DOCK3: variants seen among roughly 807,000 people sequenced by gnomAD.
DOCK3 encodes the protein dedicator of cytokinesis 3.
A neutral mutation model predicts 265.6 loss-of-function variants in DOCK3; 60 were observed. The observed-to-expected ratio is 0.23, with a 90% CI of 0.18 to 0.28. The LOEUF is 0.28. Among genes scored for constraint, DOCK3 ranks in the 10% least tolerant of loss-of-function variants. The pLI is 1.00. For missense variants in DOCK3, 1,981 were observed against 2,594.3 expected, an observed-to-expected ratio of 0.76 and a Z score of 5.14; for synonymous variants, 881 against 938.0, an observed-to-expected ratio of 0.94 and a Z score of 1.11.
chr3:50,697,629 A>AT (rs2035719634), intron 1 of DOCK3, among the ~76,000 whole-genome samples: 1 of 152,044 alleles, frequency 6.6e-6, no homozygotes, highest in Admixed American at 6.5e-5. Flanking sequence ...AACCCCAAAA[A>AT]TGAGCCGGGC....
intron 9 of DOCK3, among the ~76,000 whole-genome samples, chr3:51,112,604 T>G (rs879674935): frequency 2.6e-5 from 4 of 152,152 alleles, no homozygotes; most frequent in Non-Finnish European, 5.9e-5. Flanking sequence ...GCAACCTGGA[T>G]AGTGGAAGTG....
rs184605188 is a variant in DOCK3, at chr3:51,361,028, G to A, written c.5006+396G>A. 5.9e-5 allele frequency among the ~76,000 whole-genome samples: 9 copies of A among 152,316 alleles called. No individual in the cohort carries two copies. In the South Asian group the frequency reaches 1.0e-3, roughly 18 times the overall value. On this transcript the variant is annotated intron_variant, in intron 47 of 52. Transcript: ENST00000266037. The surrounding 1 kb of genome is among the most constrained non-coding windows in gnomAD (Gnocchi z 4.2). Reference sequence around the variant, plus strand: ...GCTGGAGTGCCGGATTCCAGGGCACGGAAAGGGGATAGGATCAGCTCTGAG... The same window carrying A: ...GCTGGAGTGCCGGATTCCAGGGCACAGAAAGGGGATAGGATCAGCTCTGAG...
chr3:51,090,690 A>T (rs546778620), intron 9 of DOCK3, among the ~76,000 whole-genome samples: 1 of 152,298 alleles, frequency 6.6e-6, no homozygotes, highest in South Asian at 2.1e-4. Context: ...CATAGGAGAA[A>T]CATAGAACCA....
intron 5 of DOCK3, among the ~76,000 whole-genome samples, chr3:50,964,153 T>C (rs867944423): frequency 6.6e-6 from 1 of 152,176 alleles, no homozygotes; most frequent in Non-Finnish European, 1.5e-5. Flanking sequence ...CATCAGTAGA[T>C]TGAGCACTGT....
At chr3:51,156,096 A>G (rs2085838401) in intron 10 of DOCK3, among the ~76,000 whole-genome samples, 1 of 152,222 alleles carries the variant, frequency 6.6e-6, no homozygotes, top group Non-Finnish European at 1.5e-5. Flanking sequence ...TTATTACTAT[A>G]ATAACATTAT....
intron 5 of DOCK3, among the ~76,000 whole-genome samples, chr3:50,990,636 A>G (rs1306390976): frequency 1.3e-5 from 2 of 152,236 alleles, no homozygotes; most frequent in Non-Finnish European, 2.9e-5. Context: ...ATTAACTCAC[A>G]TGATCACAAG....
chr3:51,336,031 T>C lies in DOCK3; in HGVS notation c.3612-2328T>C, dbSNP rs1051629172. 4.0e-5 allele frequency among the ~76,000 whole-genome samples: 6 copies of C among 150,318 alleles called. No individual in the cohort carries two copies. The South Asian group carries it at 8.4e-4, about 21-fold the overall frequency. On this transcript the variant is annotated intron_variant, in intron 35 of 52. Transcript: ENST00000266037. ...AGAAAAGAAAAGAAAAAGAAAATAG[T>C]TGTTGATATGACTCAAGGGAAGGAC... is the stretch of plus-strand genomic sequence containing the variant.
At chr3:51,236,845 A>G (rs917448023) in intron 20 of DOCK3, among the ~76,000 whole-genome samples, 4 of 152,192 alleles carry the variant, frequency 2.6e-5, no homozygotes, top group South Asian at 2.1e-4. Flanking sequence ...TCCAGAATCT[A>G]TGCAGTTGTT....
intron 6 of DOCK3, among the ~76,000 whole-genome samples, chr3:51,070,975 G>T (rs2081839527): frequency 1.3e-5 from 2 of 152,120 alleles, no homozygotes; most frequent in South Asian, 4.1e-4. Flanking sequence ...CCCGATCCGT[G>T]GAAAAATTGT....
intron 4 of DOCK3, among the ~76,000 whole-genome samples, chr3:50,923,980 C>G (rs1215330900): frequency 6.6e-6 from 1 of 152,170 alleles, no homozygotes; most frequent in East Asian, 1.9e-4. Context: ...TCATGCCAAC[C>G]AATGCCAAAA....
chr3:50,952,853 C>T (rs911794163), intron 5 of DOCK3, among the ~76,000 whole-genome samples: 7 of 152,074 alleles, frequency 4.6e-5, no homozygotes, highest in Non-Finnish European at 1.5e-5. Flanking sequence ...GAGACAAGAG[C>T]CAGTATGTTG....
intron 5 of DOCK3, among the ~76,000 whole-genome samples, chr3:50,976,524 C>T: frequency 9.0e-6 from 1 of 111,384 alleles, no homozygotes; most frequent in South Asian, 3.6e-4. Context: ...GTTATAATTT[C>T]TGTTCTTTTA....
chr3:51,200,212 A>G (rs1359531828), intron 12 of DOCK3, among the ~76,000 whole-genome samples: 1 of 152,062 alleles, frequency 6.6e-6, no homozygotes, highest in Admixed American at 6.6e-5. Flanking sequence ...TGAGAGAAGA[A>G]GGCTTCAGAC....
intron 5 of DOCK3, among the ~76,000 whole-genome samples, chr3:51,053,119 A>ATATATG (rs1365143056): frequency 4.1e-5 from 5 of 122,202 alleles, no homozygotes; most frequent in African/African-American, 1.5e-4. Flanking sequence ...ATATATATAT[A>ATATATG]TATGGATTTT....
intron 4 of DOCK3, among the ~76,000 whole-genome samples, chr3:50,899,591 G>A (rs1301930800): frequency 6.6e-6 from 1 of 152,114 alleles, no homozygotes; most frequent in African/African-American, 2.4e-5. Flanking sequence ...TTACAATTTG[G>A]TATGTTCTTG....
At chr3:51,107,376 G>C (rs1486333569) in intron 9 of DOCK3, among the ~76,000 whole-genome samples, 2 of 152,188 alleles carry the variant, frequency 1.3e-5, no homozygotes, top group African/African-American at 4.8e-5. Flanking sequence ...TGAAATGACA[G>C]AAATAGAATT....
intron 1 of DOCK3, among the ~76,000 whole-genome samples, chr3:50,703,090 T>C (rs1450790650): frequency 6.6e-6 from 1 of 152,224 alleles, no homozygotes; most frequent in Non-Finnish European, 1.5e-5. Flanking sequence ...TCTGCATCCA[T>C]TGATTTGATC....
chr3:51,109,724 G>A (rs1378130613), intron 9 of DOCK3, among the ~76,000 whole-genome samples: 1 of 151,962 alleles, frequency 6.6e-6, no homozygotes, highest in Admixed American at 6.6e-5. Flanking sequence ...CTGGAACCTG[G>A]GAATTTGAGA....
In DOCK3 at chr3:51,277,977, A is replaced by G. The variant is rs1450105411; in HGVS notation, c.2823+223A>G. 3 of 985,204 alleles carry G rather than the reference A, an allele frequency of 3.0e-6. No individual in the cohort carries two copies. In the African/African-American group the frequency reaches 5.2e-5, roughly 17 times the overall value. 61.0% of individuals were successfully genotyped at this position (985,204 alleles called of 1,614,324 possible). ...CTCTTCTTTAGGGCAGATCTGGGGA[A>G]TGTTTCTTGTCCTGTTTTCCTGCAT... On this transcript the variant is annotated intron_variant, in intron 26 of 52. Transcript: ENST00000266037.
Sources: allele counts gnomAD v4.1 joint callset (sites outside exome capture counted in the v4.1 genomes callset), GRCh38; gene constraint gnomAD v4.1.1; non-coding constraint Gnocchi (gnomAD v3.1); transcripts MANE v1.5; gene names NCBI Gene and HGNC (gene_info 2026-07-23, HGNC 2026-07-21).